Variants in CNTNAP2 observed in about 807,000 individuals in gnomAD.
CNTNAP2 encodes contactin-associated protein-like 2.
A neutral mutation model predicts 155.2 loss-of-function variants in CNTNAP2; 98 were observed. The observed-to-expected ratio is 0.63, with a 90% CI of 0.54 to 0.75. The LOEUF (loss-of-function observed/expected upper bound fraction) is 0.75, where lower values mean the gene tolerates loss of function less well. CNTNAP2 is among the 30% of genes least tolerant of loss of function. CNTNAP2 has a pLI of 0.00. For synonymous variants in CNTNAP2, 651 were observed against 631.2 expected, an observed-to-expected ratio of 1.03 and a Z score of -0.47; for missense variants, 1,727 against 1,688.1, an observed-to-expected ratio of 1.02 and a Z score of -0.40.
chr7:147,098,753 C>T lies in CNTNAP2; in HGVS notation c.551-9394C>T, dbSNP rs1800595061. On this transcript the variant is annotated intron_variant, in intron 4 of 23. Coordinates refer to ENST00000361727, the MANE Select transcript of CNTNAP2 (RefSeq NM_014141.6). The stretch of plus-strand genomic sequence containing the variant: ...TTGAGACACAGTAAGGCCAACATAT[C>T]AGAAAACACCTACCGTGAAAAGATA... Among the ~76,000 whole-genome samples, 5 of 152,138 alleles carry T rather than the reference C, an allele frequency of 3.3e-5. 1 individual carries two copies. The South Asian group carries it at 1.0e-3, about 32-fold the overall frequency.
chr7:146,622,151 GTA>G (rs377635580), intron 1 of CNTNAP2, among the ~76,000 whole-genome samples: 4 of 101,652 alleles, frequency 3.9e-5, no homozygotes, highest in Admixed American at 8.6e-5. Flanking sequence ...ATACACACAC[GTA>G]TATATATATA....
chr7:148,057,120 T>C (rs1390926809), intron 15 of CNTNAP2, among the ~76,000 whole-genome samples: 1 of 152,196 alleles, frequency 6.6e-6, no homozygotes, highest in African/African-American at 2.4e-5. Context: ...GTGCAGTCAC[T>C]TCCATACATA....
At chr7:146,860,566 T>C (rs968769846) in intron 3 of CNTNAP2, among the ~76,000 whole-genome samples, 2 of 152,126 alleles carry the variant, frequency 1.3e-5, no homozygotes, top group African/African-American at 4.8e-5. Flanking sequence ...CATATTTATC[T>C]GAAAGAAAAA....
intron 3 of CNTNAP2, among the ~76,000 whole-genome samples, chr7:146,883,697 C>T (rs186958930): frequency 6.6e-6 from 1 of 152,090 alleles, no homozygotes; most frequent in Admixed American, 6.6e-5. Context: ...AATAAATGTA[C>T]TAAAGAGTTA....
At chr7:148,386,969 G>T (rs1799225068) in intron 22 of CNTNAP2, among the ~76,000 whole-genome samples, 1 of 152,160 alleles carries the variant, frequency 6.6e-6, no homozygotes. Flanking sequence ...TTGTGATAGT[G>T]CTTGTTCATG....
intron 21 of CNTNAP2, among the ~76,000 whole-genome samples, chr7:148,272,150 T>C (rs1563020377): frequency 1.3e-5 from 2 of 152,198 alleles, no homozygotes; most frequent in South Asian, 2.1e-4. Context: ...GAAATAGTAG[T>C]GTGATCACTG....
intron 4 of CNTNAP2, among the ~76,000 whole-genome samples, chr7:147,096,927 A>T (rs1234372228): frequency 6.6e-6 from 1 of 152,248 alleles, no homozygotes. Context: ...CAAAGAGGAA[A>T]GAGAACATTA....
chr7:146,905,728 A>T (rs890076232), intron 3 of CNTNAP2, among the ~76,000 whole-genome samples: 6 of 152,208 alleles, frequency 3.9e-5, no homozygotes, highest in African/African-American at 1.4e-4. Flanking sequence ...GTGTTACTGT[A>T]TTAGCAGAAT....
chr7:146,892,816 T>A (rs1032778279), intron 3 of CNTNAP2, among the ~76,000 whole-genome samples: 3 of 152,186 alleles, frequency 2.0e-5, no homozygotes, highest in Non-Finnish European at 4.4e-5. Context: ...TAATGATTTA[T>A]TTTTTACATT....
intron 3 of CNTNAP2, among the ~76,000 whole-genome samples, chr7:147,037,819 G>A (rs1002988745): frequency 1.3e-5 from 2 of 151,972 alleles, no homozygotes; most frequent in South Asian, 2.1e-4. Flanking sequence ...TTAAATCAAC[G>A]GCTACATCTC....
chr7:148,026,642 C>T (rs1802380530), intron 15 of CNTNAP2, among the ~76,000 whole-genome samples: 1 of 152,116 alleles, frequency 6.6e-6, no homozygotes, highest in African/African-American at 2.4e-5. Context: ...ATTCTCTGGG[C>T]TTTGGATCTC....
chr7:147,470,110 G>A (rs1230726326), intron 10 of CNTNAP2, among the ~76,000 whole-genome samples: 2 of 152,104 alleles, frequency 1.3e-5, no homozygotes, highest in South Asian at 2.1e-4. Flanking sequence ...CTTTTACTCA[G>A]GTAGGAAGCC....
At chr7:146,782,764 C>G (rs1291631128) in intron 2 of CNTNAP2, among the ~76,000 whole-genome samples, 1 of 152,072 alleles carries the variant, frequency 6.6e-6, no homozygotes, top group East Asian at 1.9e-4. Context: ...TTAAAAGAAA[C>G]AATTTACACA....
chr7:146,172,530 C>T (rs1213167461), intron 1 of CNTNAP2, among the ~76,000 whole-genome samples: 2 of 152,070 alleles, frequency 1.3e-5, no homozygotes, highest in Admixed American at 6.6e-5. Context: ...TGATTTTTCT[C>T]TCCTCTTTCT....
At chr7:147,327,637 T>G (rs721123) in intron 9 of CNTNAP2, among the ~76,000 whole-genome samples, 34,564 of 152,048 alleles carry the variant, frequency 0.23, 4,370 homozygotes, top group South Asian at 0.36. Context: ...ATTTTGCAAT[T>G]ATGAATGTGC....
chr7:148,313,104 G>C (rs1797623951), intron 21 of CNTNAP2, among the ~76,000 whole-genome samples: 1 of 149,384 alleles, frequency 6.7e-6, no homozygotes, highest in South Asian at 2.1e-4. Flanking sequence ...ACCAGAGTTG[G>C]GGAGTTTTAA....
At chr7:147,638,664 G>A (rs1795222587) in intron 12 of CNTNAP2, 1 of 345,174 alleles carries the variant, frequency 2.9e-6, no homozygotes, top group Non-Finnish European at 5.8e-6. Flanking sequence ...ATATTCTGAT[G>A]AGAGCAAACA....
chr7:147,135,291 A>T (rs1259087651), intron 8 of CNTNAP2, among the ~76,000 whole-genome samples: 1 of 151,832 alleles, frequency 6.6e-6, no homozygotes, highest in African/African-American at 2.4e-5. Context: ...TACAGAGTGG[A>T]TTATCTTACC....
intron 1 of CNTNAP2, among the ~76,000 whole-genome samples, chr7:146,238,004 C>G (rs17170000): frequency 0.18 from 26,689 of 152,080 alleles, 2,918 homozygotes; most frequent in East Asian, 0.3. Context: ...GTTCCAAAAG[C>G]AAGCTTATGT....
Sources: gnomAD v4.1 joint callset for allele counts (sites outside exome capture counted in the v4.1 genomes callset) on GRCh38, gnomAD v4.1.1 for gene constraint, MANE v1.5 for transcripts, NCBI Gene and HGNC (gene_info 2026-07-23, HGNC 2026-07-21) for gene names.